Variants in SLC24A2 observed in about 807,000 individuals in gnomAD.
The protein encoded by SLC24A2 is solute carrier family 24 member 2.
A neutral mutation model predicts 62.0 loss-of-function variants in SLC24A2; 36 were observed. That is an observed-to-expected ratio of 0.58 (90% CI 0.44 to 0.77). The LOEUF (loss-of-function observed/expected upper bound fraction) is 0.77, where lower values mean the gene tolerates loss of function less well. Ranked by LOEUF, SLC24A2 falls within the 30% of genes least tolerant of loss-of-function variation. The pLI is 0.00. For synonymous variants in SLC24A2, 358 were observed against 294.0 expected, an observed-to-expected ratio of 1.22 and a Z score of -2.23; for missense variants, 846 against 817.9, an observed-to-expected ratio of 1.03 and a Z score of -0.42.
chr9:19,561,888 A>G (rs1333996861), intron 7 of SLC24A2, among the ~76,000 whole-genome samples: 1 of 152,226 alleles, frequency 6.6e-6, no homozygotes, highest in Admixed American at 6.5e-5. Context: ...TCACTCAGTA[A>G]TGGCCTCCTG....
the SLC24A2 span, among the ~76,000 whole-genome samples, chr9:19,876,112 G>C: frequency 2.0e-5 from 3 of 152,100 alleles, no homozygotes; most frequent in Non-Finnish European, 2.9e-5. Flanking sequence ...CCAAATCAAA[G>C]AGCATATTAA....
the SLC24A2 span, among the ~76,000 whole-genome samples, chr9:19,945,698 C>T: frequency 6.6e-6 from 1 of 152,192 alleles, no homozygotes; most frequent in Non-Finnish European, 1.5e-5. Flanking sequence ...ATTGGAGACT[C>T]AAGGATCTCA....
At chr9:19,528,281 C>G (rs547338878) in intron 8 of SLC24A2, 143 bp from the exon 9 acceptor site, 102 of 694,868 alleles carry the variant, frequency 1.5e-4, no homozygotes, top group Middle Eastern at 6.1e-4. Flanking sequence ...AGACCCTACT[C>G]ACTCCTGATC....
At chr9:19,779,143 G>A (rs1822934607) in intron 2 of SLC24A2, among the ~76,000 whole-genome samples, 1 of 152,306 alleles carries the variant, frequency 6.6e-6, no homozygotes, top group East Asian at 1.9e-4. Flanking sequence ...GTGAAAACAC[G>A]TGGAAGGTAA....
chr9:19,858,637 A>C, the SLC24A2 span, among the ~76,000 whole-genome samples: 1 of 152,202 alleles, frequency 6.6e-6, no homozygotes, highest in Admixed American at 6.5e-5. Flanking sequence ...CATTTAAGGA[A>C]CTTAAATGAA....
chr9:20,158,892 C>A, the SLC24A2 span, among the ~76,000 whole-genome samples: 6 of 151,560 alleles, frequency 4.0e-5, no homozygotes, highest in Non-Finnish European at 7.4e-5. Context: ...TCTGGGAAAA[C>A]TGAATTAGAA....
chr9:19,782,274 C>T (rs536080927), intron 2 of SLC24A2, among the ~76,000 whole-genome samples: 8 of 152,354 alleles, frequency 5.3e-5, no homozygotes, highest in South Asian at 2.1e-4. Flanking sequence ...AACTGCTTCA[C>T]ATCCTGCAGG....
At chr9:19,972,826 C>A in the SLC24A2 span, among the ~76,000 whole-genome samples, 12 of 151,464 alleles carry the variant, frequency 7.9e-5, no homozygotes, top group Non-Finnish European at 1.5e-4. Context: ...AAGTGAGCAA[C>A]CTTGCCAAAG....
At chr9:19,707,940 A>C (rs1194347108) in intron 2 of SLC24A2, among the ~76,000 whole-genome samples, 1 of 152,184 alleles carries the variant, frequency 6.6e-6, no homozygotes, top group East Asian at 1.9e-4. Flanking sequence ...AAGGGTATTC[A>C]ATTAGGAAAA....
intron 7 of SLC24A2, among the ~76,000 whole-genome samples, chr9:19,551,263 C>T (rs888829202): frequency 3.9e-5 from 6 of 152,198 alleles, no homozygotes; most frequent in Non-Finnish European, 7.3e-5. Context: ...AAATACAAGT[C>T]AAGCAAGACA....
the SLC24A2 span, among the ~76,000 whole-genome samples, chr9:19,796,840 T>C: frequency 6.6e-6 from 1 of 152,212 alleles, no homozygotes; most frequent in Non-Finnish European, 1.5e-5. Context: ...TAATGTACCT[T>C]GGAGTGGATC....
At chr9:19,775,638 T>C (rs566426188) in intron 2 of SLC24A2, among the ~76,000 whole-genome samples, 1 of 145,104 alleles carries the variant, frequency 6.9e-6, no homozygotes, top group Non-Finnish European at 1.6e-5. Context: ...TTTTAGATCA[T>C]GGCTCTGAAA....
chr9:20,191,303 C>T, the SLC24A2 span, among the ~76,000 whole-genome samples: 4 of 151,900 alleles, frequency 2.6e-5, no homozygotes, highest in Non-Finnish European at 4.4e-5. Context: ...ACTGTTTCTG[C>T]GGACATAAAA....
chr9:20,081,490 A>AG, the SLC24A2 span, among the ~76,000 whole-genome samples: 46 of 51,806 alleles, frequency 8.9e-4, no homozygotes, highest in Admixed American at 0.013. Flanking sequence ...GGGTGGGGGG[A>AG]GGGGGGGAGG....
At chr9:19,684,114 A>G (rs1819806318) in intron 2 of SLC24A2, among the ~76,000 whole-genome samples, 1 of 152,166 alleles carries the variant, frequency 6.6e-6, no homozygotes, top group African/African-American at 2.4e-5. Flanking sequence ...GCAGGAACTG[A>G]TGGGCAATCT....
chr9:20,048,915 T>C, the SLC24A2 span, among the ~76,000 whole-genome samples: 1 of 151,502 alleles, frequency 6.6e-6, no homozygotes, highest in Admixed American at 6.6e-5. Context: ...TTTTTATTTA[T>C]TTATGTATTT....
the SLC24A2 span, among the ~76,000 whole-genome samples, chr9:19,820,122 A>G: frequency 6.8e-6 from 1 of 146,874 alleles, no homozygotes; most frequent in Non-Finnish European, 1.5e-5. Flanking sequence ...GAATGAATTA[A>G]CAGCATTTGC....
At chr9:19,739,152 A>C (rs1211012992) in intron 2 of SLC24A2, among the ~76,000 whole-genome samples, 2 of 152,220 alleles carry the variant, frequency 1.3e-5, no homozygotes, top group South Asian at 2.1e-4. Context: ...AATAAATCTA[A>C]TCAAAAATGT....
chr9:20,113,440 A>G, the SLC24A2 span, among the ~76,000 whole-genome samples: 1 of 152,174 alleles, frequency 6.6e-6, no homozygotes, highest in South Asian at 2.1e-4. Flanking sequence ...AAAGAGAGCT[A>G]TTTATATTTG....
Sources: gnomAD v4.1 joint callset for allele counts (sites outside exome capture counted in the v4.1 genomes callset) on GRCh38, gnomAD v4.1.1 for gene constraint, MANE v1.5 for transcripts, NCBI Gene and HGNC (gene_info 2026-07-23, HGNC 2026-07-21) for gene names.